Variants in COPZ2 observed in about 807,000 individuals in gnomAD.
COPZ2 encodes the protein coat protein complex I subunit zeta 2.
COPZ2 carries 30 observed loss-of-function variants against 33.2 expected under a neutral mutation model. The observed-to-expected ratio is 0.90, with a 90% confidence interval of 0.68 to 1.23. The LOEUF is 1.23. Ranked by LOEUF, COPZ2 falls within the 50% of genes most tolerant of loss-of-function variation. The pLI is 0.00. For synonymous variants in COPZ2, 89 were observed against 102.6 expected (o/e 0.87, Z 0.80); for missense variants, 263 against 262.4 (o/e 1.00, Z -0.02).
chr17:48,043,164 G>C, the COPZ2 span, among the ~76,000 whole-genome samples: 51 of 152,282 alleles, frequency 3.3e-4, no homozygotes, highest in Non-Finnish European at 6.6e-4. Flanking sequence ...TACTCCCTTC[G>C]GGTAGGCACA....
intron 7 of COPZ2, 54 bp downstream of exon 7, chr17:48,029,071 C>T (rs1487001840): frequency 4.6e-6 from 7 of 1,505,994 alleles, no homozygotes; most frequent in Non-Finnish European, 6.3e-6. Context: ...GCCCTATTCC[C>T]AGGGAGGACA....
At chr17:48,030,413 T>C (rs2036879126) in intron 6 of COPZ2, among the ~76,000 whole-genome samples, 2 of 152,150 alleles carry the variant, frequency 1.3e-5, no homozygotes, top group South Asian at 4.1e-4. Context: ...TCGTGAGGCC[T>C]TGGGGTTATG....
chr17:48,037,874 C>T (rs1403420928), upstream of COPZ2: 1 of 978,888 alleles, frequency 1.0e-6, no homozygotes, highest in East Asian at 1.1e-4. This position sits in a 1 kb window ranked among gnomAD's most constrained non-coding sequence, Gnocchi z 5.6. Flanking sequence ...CGCGCGTGGC[C>T]TCCCTTTCCT....
chr17:48,032,468 T>G (rs897749506), intron 5 of COPZ2, among the ~76,000 whole-genome samples: 4 of 152,228 alleles, frequency 2.6e-5, no homozygotes, highest in African/African-American at 9.6e-5. Context: ...CTTTGGGCCT[T>G]GACACCCTGG....
chr17:48,037,859 C>T (rs2037017641), upstream of COPZ2: 1 of 982,632 alleles, frequency 1.0e-6, no homozygotes, highest in African/African-American at 1.8e-5. This position sits in a 1 kb window ranked among gnomAD's most constrained non-coding sequence, Gnocchi z 5.6. Flanking sequence ...CCCGCGGCCC[C>T]CTCTCGCGCG....
the COPZ2 span, chr17:48,047,381 CATTAA>C: frequency 6.6e-6 from 1 of 152,192 alleles, no homozygotes; most frequent in Non-Finnish European, 1.5e-5. Context: ...ACTCCAGGGT[CATTAA>C]ATCAGACTCT....
the COPZ2 span, chr17:48,045,059 G>T: frequency 2.0e-5 from 3 of 152,142 alleles, no homozygotes; most frequent in African/African-American, 7.2e-5. Context: ...CCAGGATCGG[G>T]TGATCTTTCC....
chr17:48,032,365 T>G lies in COPZ2; in HGVS notation c.417-132A>C. On this transcript the variant is annotated intron_variant, in intron 5 of 8. Transcript: ENST00000621465. ...ACCAAACAAGGACTGGGAAGGAGAA[T>G]GTGAAGGGCAGTGAGCACAGAGCCC... is the stretch of plus-strand genomic sequence containing the variant. 4 of 804,488 alleles carry G rather than the reference T, an allele frequency of 5.0e-6. No individual in the cohort carries two copies. The South Asian group carries it at 6.1e-5, about 12-fold the overall frequency. 49.8% of individuals were successfully genotyped at this position (804,488 alleles called of 1,614,324 possible).
chr17:48,030,876 C>T (rs2036885157), intron 6 of COPZ2, among the ~76,000 whole-genome samples: 1 of 152,198 alleles, frequency 6.6e-6, no homozygotes. Flanking sequence ...CAAGAGGGTT[C>T]ACCAAATTGT....
At chr17:48,044,366 AT>A in the COPZ2 span, among the ~76,000 whole-genome samples, 7 of 136,286 alleles carry the variant, frequency 5.1e-5, no homozygotes, top group Non-Finnish European at 1.1e-4. Context: ...TCAGATAATC[AT>A]TCTAGTCTGT....
At chr17:48,032,565 ACTTTT>A (rs1236832387) in intron 5 of COPZ2, 116 bp downstream of exon 5, 3 of 843,202 alleles carry the variant, frequency 3.6e-6, no homozygotes, top group African/African-American at 1.7e-5. Context: ...TCGACTGTGA[ACTTTT>A]CTTTTTGGAT....
intron 3 of COPZ2, among the ~76,000 whole-genome samples, chr17:48,033,514 A>G (rs1021209130): frequency 6.6e-6 from 1 of 152,166 alleles, no homozygotes; most frequent in Non-Finnish European, 1.5e-5. Context: ...CAGGCCAAGG[A>G]GTCAACAAGC....
intron 2 of COPZ2, among the ~76,000 whole-genome samples, chr17:48,036,172 G>A (rs2036980110): frequency 6.6e-6 from 1 of 152,168 alleles, no homozygotes; most frequent in South Asian, 2.1e-4. Context: ...ATGTTTGCTA[G>A]GATAGATAAC....
chr17:48,032,666 G>A lies in COPZ2; in HGVS notation c.416+20C>T, dbSNP rs1260808171. On this transcript the variant is annotated intron_variant, in intron 5 of 8. Coordinates refer to ENST00000621465, the MANE Select transcript of COPZ2 (RefSeq NM_016429.4). ...AGGGCCAGGGGGATGGGGCCTCGGA[G>A]GGCAGAGAACCTCACTCACCTTAAC... 5 of 1,574,252 alleles carry A rather than the reference G, an allele frequency of 3.2e-6. No homozygotes were observed. The highest frequency in any genetic ancestry group is 1.4e-5 in the African/African-American group (1 of 74,046).
At chr17:48,042,249 T>G (rs1166991615), upstream of COPZ2, among the ~76,000 whole-genome samples, 1 of 152,058 alleles carries the variant, frequency 6.6e-6, no homozygotes, top group Non-Finnish European at 1.5e-5. Flanking sequence ...TTCTCCTGTC[T>G]CAGTCTCCTG....
At chr17:48,029,038 C>A in intron 7 of COPZ2, 87 bp downstream of exon 7, 2 of 1,285,156 alleles carry the variant, frequency 1.6e-6, no homozygotes, top group Non-Finnish European at 2.2e-6. Context: ...GGAGCTTGGG[C>A]TTCTACCATC....
intron 2 of COPZ2, 50 bp downstream of exon 2, chr17:48,036,801 G>C (rs1222024410): frequency 5.6e-5 from 86 of 1,547,258 alleles, no homozygotes; most frequent in Non-Finnish European, 7.4e-5. Flanking sequence ...TGAGACAGGA[G>C]TGTCAGCTGA....
At chr17:48,042,664 G>C (rs1408800520), upstream of COPZ2, among the ~76,000 whole-genome samples, 1 of 150,436 alleles carries the variant, frequency 6.6e-6, no homozygotes, top group Non-Finnish European at 1.5e-5. Flanking sequence ...GTTTCACCAT[G>C]TTAGCCAGGT....
the COPZ2 span, chr17:48,043,537 A>T: frequency 1.0e-6 from 1 of 985,360 alleles, no homozygotes; most frequent in Non-Finnish European, 1.2e-6. Flanking sequence ...GAGAAAACTA[A>T]AGCTTCCATG....
Sources: allele counts gnomAD v4.1 joint callset (sites outside exome capture counted in the v4.1 genomes callset), GRCh38; gene constraint gnomAD v4.1.1; non-coding constraint Gnocchi (gnomAD v3.1); transcripts MANE v1.5; gene names NCBI Gene and HGNC (gene_info 2026-07-23, HGNC 2026-07-21).